CTNND2: variants seen among roughly 807,000 people sequenced by gnomAD.
CTNND2 encodes the protein catenin delta-2.
Under a neutral mutation model 144.4 loss-of-function variants are expected in CTNND2, and 22 were observed. That is an observed-to-expected ratio of 0.15 (90% CI 0.11 to 0.22). CTNND2 has a LOEUF of 0.22. Ranked by LOEUF, CTNND2 falls within the 10% of genes least tolerant of loss-of-function variation. The pLI is 1.00. For missense variants in CTNND2, 1,353 were observed against 1,618.8 expected (o/e 0.84, Z 2.82); for synonymous variants, 751 against 695.6 (o/e 1.08, Z -1.25).
intron 1 of CTNND2, among the ~76,000 whole-genome samples, chr5:11,870,328 A>G (rs1300431695): frequency 6.6e-6 from 1 of 152,202 alleles, no homozygotes; most frequent in East Asian, 1.9e-4. Context: ...AGGACAGCCC[A>G]CAACAACAGT....
chr5:11,484,406 AAC>A (rs1040280473), intron 3 of CTNND2, among the ~76,000 whole-genome samples: 1 of 152,212 alleles, frequency 6.6e-6, no homozygotes, highest in African/African-American at 2.4e-5. Flanking sequence ...ACAGGATCTA[AAC>A]ACAGAGAACT....
chr5:11,740,298 G>A (rs1271282247), intron 1 of CTNND2, among the ~76,000 whole-genome samples: 1 of 152,098 alleles, frequency 6.6e-6, no homozygotes, highest in Non-Finnish European at 1.5e-5. Flanking sequence ...TATATTACAA[G>A]GCTACAGTAA....
intron 2 of CTNND2, among the ~76,000 whole-genome samples, chr5:11,575,593 T>G (rs768044465): frequency 6.6e-6 from 1 of 152,174 alleles, no homozygotes; most frequent in Non-Finnish European, 1.5e-5. Flanking sequence ...CCTTTCTTAC[T>G]CAATGCTCTT....
intron 3 of CTNND2, chr5:11,508,529 CTT>C (rs1771298585): frequency 1.3e-5 from 2 of 152,112 alleles, no homozygotes. Context: ...GAAATAATCT[CTT>C]TTATGTTGCA....
intron 5 of CTNND2, among the ~76,000 whole-genome samples, chr5:11,403,323 T>C (rs540354591): frequency 1.3e-5 from 2 of 152,318 alleles, no homozygotes; most frequent in Admixed American, 1.3e-4. Flanking sequence ...TGCTCCTGTG[T>C]TAGTTTGCTG....
At chr5:11,099,137 C>T (rs1189264362) in intron 14 of CTNND2, among the ~76,000 whole-genome samples, 2 of 152,134 alleles carry the variant, frequency 1.3e-5, no homozygotes, top group East Asian at 1.9e-4. Context: ...AGCATACTAC[C>T]AGTGTTGCAT....
intron 3 of CTNND2, among the ~76,000 whole-genome samples, chr5:11,420,572 C>T (rs1366525500): frequency 2.0e-5 from 3 of 152,126 alleles, no homozygotes; most frequent in African/African-American, 4.8e-5. Flanking sequence ...CCACTGAGCT[C>T]GGCTTTAGGC....
intron 2 of CTNND2, among the ~76,000 whole-genome samples, chr5:11,611,421 A>G (rs1264790653): frequency 1.3e-5 from 2 of 152,196 alleles, no homozygotes; most frequent in Non-Finnish European, 2.9e-5. Context: ...TAAGACTATC[A>G]TGGTTTGTTG....
intron 3 of CTNND2, among the ~76,000 whole-genome samples, chr5:11,544,978 C>T (rs752977569): frequency 2.8e-4 from 43 of 151,864 alleles, no homozygotes; most frequent in Non-Finnish European, 5.1e-4. Context: ...AAAAATTAGC[C>T]GGGTGTGATG....
At chr5:11,605,194 G>T (rs568726830) in intron 2 of CTNND2, among the ~76,000 whole-genome samples, 41 of 152,192 alleles carry the variant, frequency 2.7e-4, no homozygotes, top group Non-Finnish European at 5.0e-4. Flanking sequence ...TGCCAAGAGG[G>T]ACTCTGAGAA....
At chr5:11,856,796 T>C (rs1001998601) in intron 1 of CTNND2, among the ~76,000 whole-genome samples, 4 of 152,210 alleles carry the variant, frequency 2.6e-5, no homozygotes. Flanking sequence ...AAATATGTAC[T>C]TGGACCAGAA....
At chr5:11,610,008 T>A (rs1034330787) in intron 2 of CTNND2, among the ~76,000 whole-genome samples, 5 of 152,218 alleles carry the variant, frequency 3.3e-5, no homozygotes, top group African/African-American at 9.6e-5. Context: ...GCAATTCGGT[T>A]TGAGTCCTAG....
intron 17 of CTNND2, among the ~76,000 whole-genome samples, chr5:11,021,534 T>C (rs555011563): frequency 1.3e-5 from 2 of 152,302 alleles, no homozygotes; most frequent in Admixed American, 6.5e-5. Flanking sequence ...TCATAAGATA[T>C]AGCTCAAGCC....
intron 9 of CTNND2, among the ~76,000 whole-genome samples, chr5:11,341,879 G>A (rs1216824343): frequency 2.0e-5 from 3 of 152,076 alleles, no homozygotes; most frequent in Admixed American, 2.0e-4. Context: ...CAGGCTTGTG[G>A]CCAGCCTGTA....
intron 2 of CTNND2, among the ~76,000 whole-genome samples, chr5:11,620,208 GC>G (rs1385256773): frequency 7.2e-5 from 11 of 151,992 alleles, no homozygotes; most frequent in African/African-American, 2.4e-4. Flanking sequence ...TTGGGACCTG[GC>G]TGACCTGGAA....
intron 3 of CTNND2, among the ~76,000 whole-genome samples, chr5:11,562,297 A>C (rs979031771): frequency 1.3e-5 from 2 of 152,160 alleles, no homozygotes; most frequent in East Asian, 3.9e-4. Flanking sequence ...TTTTTTAAAA[A>C]AAAGTTGACG....
rs746740343 is a variant in CTNND2 at position 11,851,248 on chromosome 5, ATCTC to A, written c.37+52565_37+52568del. The stretch of plus-strand genomic sequence containing the variant: ...AATTCCTTAAAATAATATTCATATT[ATCTC>A]TCTAATACATGCGTGTGTGTGCGTA... On this transcript the variant is annotated intron_variant, in intron 1 of 21. Coordinates refer to ENST00000304623, the MANE Select transcript of CTNND2 (RefSeq NM_001332.4). Among the ~76,000 whole-genome samples the A allele has an allele frequency of 1.6e-3, 153 of 96,822 alleles. 3 individuals are homozygous for A. Among genetic ancestry groups the A allele is most frequent in the Middle Eastern group, 5.9e-3 (1 of 170 alleles). The allele number at this position is 96,822 out of a possible 152,430, so 63.5% of individuals were successfully genotyped here. A position where few individuals can be genotyped will look rare whatever the true frequency, so the allele number is the denominator to read the frequency against.
At chr5:10,975,338 C>T (rs1009481706) in intron 21 of CTNND2, among the ~76,000 whole-genome samples, 1 of 152,102 alleles carries the variant, frequency 6.6e-6, no homozygotes, top group Non-Finnish European at 1.5e-5. Context: ...CAGCAGGGCA[C>T]CCTATTCAAC....
intron 11 of CTNND2, among the ~76,000 whole-genome samples, chr5:11,166,261 T>TA (rs1759316638): frequency 6.7e-6 from 1 of 149,944 alleles, no homozygotes; most frequent in African/African-American, 2.5e-5. Context: ...TTTTTTTTTT[T>TA]TTTTTGAGAT....
Sources: allele counts gnomAD v4.1 joint callset (sites outside exome capture counted in the v4.1 genomes callset), GRCh38; gene constraint gnomAD v4.1.1; transcripts MANE v1.5; gene names NCBI Gene and HGNC (gene_info 2026-07-23, HGNC 2026-07-21).